Variants in GNG3 observed in about 807,000 individuals in gnomAD.
The protein encoded by GNG3 is G protein subunit gamma 3, also known as guanine nucleotide-binding protein G(I)/G(S)/G(O) subunit gamma-3.
Under a neutral mutation model 5.6 loss-of-function variants are expected in GNG3, and 4 were observed. The observed-to-expected ratio is 0.71, with a 90% CI of 0.35 to 1.63. GNG3 has a LOEUF of 1.63. Ranked by LOEUF, GNG3 falls within the 40% of genes most tolerant of loss-of-function variation. GNG3 has a pLI of 0.05. For missense variants in GNG3, 62 were observed against 96.6 expected (o/e 0.64, Z 1.50); for synonymous variants, 30 against 33.5 (o/e 0.89, Z 0.36).
At chr11:62,706,920 TCACCC>T (rs1322798313), upstream of GNG3, among the ~76,000 whole-genome samples, 1 of 152,236 alleles carries the variant, frequency 6.6e-6, no homozygotes. Context: ...AGACGTCTAA[TCACCC>T]CAGATAAAGT....
At chr11:62,706,744 C>T (rs1330906041), upstream of GNG3, 1 of 515,036 alleles carries the variant, frequency 1.9e-6, no homozygotes, top group Admixed American at 2.3e-5. Context: ...GAGCATGTTG[C>T]AGTTTGCGGC....
In GNG3 at chr11:62,707,840, C is replaced by T. The variant is rs2083567693; in HGVS notation, c.-77C>T. The T allele has an allele frequency of 4.0e-6, 1 of 251,576 alleles. No homozygotes were observed. The highest frequency in any genetic ancestry group is 5.0e-5 in the Admixed American group (1 of 20,040). The allele number at this position is 251,576 out of a possible 1,614,324, so 15.6% of individuals were successfully genotyped here. A position where few individuals can be genotyped will look rare whatever the true frequency, so the allele number is the denominator to read the frequency against. On this transcript the variant is annotated 5_prime_UTR_variant, in exon 1 of 3. Coordinates refer to ENST00000294117, the MANE Select transcript of GNG3 (RefSeq NM_012202.5). ...CTGCAACTCCCTACTGGGTGGGGCACCCATTTCAGGCAGAAGGTTTTGGTA... is the reference window on the plus strand; with the variant it reads ...CTGCAACTCCCTACTGGGTGGGGCATCCATTTCAGGCAGAAGGTTTTGGTA...
At chr11:62,708,492 C>T (rs2134752640) in intron 2 of GNG3, 98 bp downstream of exon 2, 1 of 1,221,034 alleles carries the variant, frequency 8.2e-7, no homozygotes, top group South Asian at 1.2e-5. Flanking sequence ...TTCCTTCACT[C>T]CCTGAGGTCA....
At position 62,707,767 on chromosome 11, in the gene GNG3, A is replaced by T; in HGVS notation, c.-150A>T. On this transcript the variant is annotated 5_prime_UTR_variant, in exon 1 of 3. Coordinates refer to ENST00000294117, the MANE Select transcript of GNG3 (RefSeq NM_012202.5). ...CCAGACCTCTGGCCTGGCCCTCCCC[A>T]GGGGCCTCCTTTCGTATAGTCACTG... The T allele has an allele frequency of 3.6e-6, 1 of 277,866 alleles. No individual in the cohort carries two copies. Among genetic ancestry groups the T allele is most frequent in the Admixed American group, 4.8e-5 (1 of 20,970 alleles). 17.2% of individuals were successfully genotyped at this position (277,866 alleles called of 1,614,324 possible).
intron 1 of GNG3, 79 bp from the exon 2 acceptor site, chr11:62,708,216 T>G: frequency 1.1e-6 from 1 of 910,228 alleles, no homozygotes; most frequent in Non-Finnish European, 1.9e-6. Context: ...ACCACAGCCT[T>G]GTAAAGGTTG....
chr11:62,708,558 G>C, intron 2 of GNG3, 120 bp from the exon 3 acceptor site: 1 of 1,425,862 alleles, frequency 7.0e-7, no homozygotes, highest in Non-Finnish European at 9.7e-7. Context: ...TGGGGGGGAT[G>C]AGGGAGAAGA....
At chr11:62,708,542 G>T (rs1205593385) in intron 2 of GNG3, 136 bp from the exon 3 acceptor site, 4 of 1,338,150 alleles carry the variant, frequency 3.0e-6, no homozygotes, top group African/African-American at 2.9e-5. Context: ...GCTGTCCCCA[G>T]GCCTCTGGGG....
At chr11:62,708,256 A>T in intron 1 of GNG3, 39 bp from the exon 2 acceptor site, 1 of 1,322,224 alleles carries the variant, frequency 7.6e-7, no homozygotes, top group Non-Finnish European at 1.1e-6. Flanking sequence ...GGGGGCCTCC[A>T]GCTGAGACTG....
Position 62,707,837 on chromosome 11 carries a change from G to T in GNG3, c.-80G>T. Reference sequence around the variant, plus strand: ...CAGCTGCAACTCCCTACTGGGTGGGGCACCCATTTCAGGCAGAAGGTTTTG... The same window carrying T: ...CAGCTGCAACTCCCTACTGGGTGGGTCACCCATTTCAGGCAGAAGGTTTTG... On this transcript the variant is annotated 5_prime_UTR_variant, in exon 1 of 3. Transcript: ENST00000294117. 1 of 250,810 alleles carries T rather than the reference G, an allele frequency of 4.0e-6. No individual in the cohort carries two copies. Among genetic ancestry groups the T allele is most frequent in the Non-Finnish European group, 7.9e-6 (1 of 127,222 alleles). 15.5% of individuals were successfully genotyped at this position (250,810 alleles called of 1,614,324 possible).
intron 2 of GNG3, 122 bp from the exon 3 acceptor site, chr11:62,708,556 A>G: frequency 7.1e-7 from 1 of 1,407,132 alleles, no homozygotes. Context: ...TCTGGGGGGG[A>G]TGAGGGAGAA....
upstream of GNG3, chr11:62,707,233 T>C (rs1565154413): frequency 6.6e-7 from 1 of 1,516,276 alleles, no homozygotes; most frequent in Non-Finnish European, 9.0e-7. Flanking sequence ...GATCTTCCAC[T>C]GAGTCACTTG....
chr11:62,707,465 G>A, upstream of GNG3: 2 of 679,448 alleles, frequency 2.9e-6, no homozygotes, highest in Admixed American at 4.1e-5. Context: ...CCACTGCAGG[G>A]GCCGTCATAG....
chr11:62,708,087 T>C (rs1017356002), intron 1 of GNG3, 172 bp downstream of exon 1: 1 of 595,848 alleles, frequency 1.7e-6, no homozygotes, highest in Admixed American at 2.8e-5. Flanking sequence ...GCCCAGGCCA[T>C]GAGGGAGTTT....
At chr11:62,708,498 G>A (rs1378813640) in intron 2 of GNG3, 104 bp downstream of exon 2, 1 of 1,191,944 alleles carries the variant, frequency 8.4e-7, no homozygotes, top group African/African-American at 1.5e-5. Flanking sequence ...CACTCCCTGA[G>A]GTCAGGGGAG....
upstream of GNG3, chr11:62,706,731 C>CAA: frequency 7.9e-6 from 4 of 503,810 alleles, no homozygotes; most frequent in South Asian, 6.2e-5. Flanking sequence ...GGGCATTCGC[C>CAA]TAGAGCATGT....
chr11:62,708,824 C>T lies in GNG3; in HGVS notation c.*18C>T, dbSNP rs1394066437. On this transcript the variant is annotated 3_prime_UTR_variant, in exon 3 of 3. Transcript: ENST00000294117. Reference sequence around the variant, plus strand: ...TCCTCTGAGCTCCCCTGTCCCTTCTCACAACTCCTCCCTTTTCCCTCTCCT... The same window carrying T: ...TCCTCTGAGCTCCCCTGTCCCTTCTTACAACTCCTCCCTTTTCCCTCTCCT... The T allele has an allele frequency of 1.9e-6, 3 of 1,592,962 alleles. No homozygotes were observed. Among genetic ancestry groups the T allele is most frequent in the South Asian group, 2.2e-5 (2 of 90,448 alleles).
At chr11:62,707,542 C>T, upstream of GNG3, 3 of 602,944 alleles carry the variant, frequency 5.0e-6, no homozygotes, top group South Asian at 3.9e-5. Context: ...AGGTCTCTAG[C>T]CCAGAGTCAG....
chr11:62,707,377 G>A (rs1390142567), upstream of GNG3: 1 of 717,618 alleles, frequency 1.4e-6, no homozygotes, highest in South Asian at 1.5e-5. Context: ...AGTAGAGGGA[G>A]GAAAGGAGGA....
At position 62,707,782 on chromosome 11, in the gene GNG3, T is replaced by C; in HGVS notation, c.-135T>C. 1 of 265,922 alleles carries C rather than the reference T, an allele frequency of 3.8e-6. No homozygotes were observed. Among genetic ancestry groups the C allele is most frequent in the South Asian group, 4.5e-5 (1 of 22,148 alleles). The allele number at this position is 265,922 out of a possible 1,614,324, so 16.5% of individuals were successfully genotyped here. On this transcript the variant is annotated 5_prime_UTR_variant, in exon 1 of 3. Coordinates refer to ENST00000294117, the MANE Select transcript of GNG3 (RefSeq NM_012202.5). The stretch of plus-strand genomic sequence containing the variant: ...GGCCCTCCCCAGGGGCCTCCTTTCG[T>C]ATAGTCACTGCTTCTGCATCAGATA...
Sources: allele counts gnomAD v4.1 joint callset (sites outside exome capture counted in the v4.1 genomes callset), GRCh38; gene constraint gnomAD v4.1.1; transcripts MANE v1.5; gene names NCBI Gene and HGNC (gene_info 2026-07-23, HGNC 2026-07-21).